The following RGPD2 variants were observed in gnomAD, a reference collection of about 807,000 sequenced individuals.
The protein encoded by RGPD2 is RANBP2 like and GRIP domain containing 2.
Under a neutral mutation model 36.0 loss-of-function variants are expected in RGPD2, and 2 were observed. The ratio of observed to expected loss-of-function variants is 0.06; its 90% CI spans 0.02 to 0.17. The LOEUF (loss-of-function observed/expected upper bound fraction) is 0.17. Ranked by LOEUF, RGPD2 falls within the 10% of genes least tolerant of loss-of-function variation. RGPD2 has a pLI of 1.00. For synonymous variants in RGPD2, 19 were observed against 163.8 expected, an observed-to-expected ratio of 0.12 and a Z score of 6.75; for missense variants, 40 against 464.3, an observed-to-expected ratio of 0.09 and a Z score of 8.40.
chr2:87,979,241 C>CAAAA, the RGPD2 span, among the ~76,000 whole-genome samples: 105,899 of 131,408 alleles, frequency 0.81, 43,802 homozygotes, highest in East Asian at 0.96. Flanking sequence ...CCCCCTCCCC[C>CAAAA]AAAAAAAGAA....
chr2:87,978,765 A>C, the RGPD2 span, among the ~76,000 whole-genome samples: 2 of 122,610 alleles, frequency 1.6e-5, no homozygotes, highest in Non-Finnish European at 3.5e-5. Flanking sequence ...AAAAAAATTT[A>C]AAAATTAGCC....
At chr2:87,886,514 G>A in the RGPD2 span, among the ~76,000 whole-genome samples, 4 of 151,872 alleles carry the variant, frequency 2.6e-5, no homozygotes, top group Admixed American at 6.6e-5. Context: ...AATTTCAGTT[G>A]AATGAATAAA....
At chr2:87,920,891 C>A in the RGPD2 span, among the ~76,000 whole-genome samples, 1 of 106,354 alleles carries the variant, frequency 9.4e-6, no homozygotes, top group East Asian at 2.3e-4. Flanking sequence ...CCTAGAATTT[C>A]CCATTAATAA....
chr2:87,937,121 C>T, the RGPD2 span, among the ~76,000 whole-genome samples: 16 of 151,758 alleles, frequency 1.1e-4, no homozygotes, highest in Middle Eastern at 3.4e-3. Flanking sequence ...TAGAGATGAG[C>T]GGTAAATATT....
At chr2:87,809,315 A>G (rs1299244322) in intron 6 of RGPD2, among the ~76,000 whole-genome samples, 1 of 151,424 alleles carries the variant, frequency 6.6e-6, no homozygotes, top group Non-Finnish European at 1.5e-5. Flanking sequence ...AAAAAAAAAA[A>G]AGATCGAGAC....
chr2:87,956,476 T>C, the RGPD2 span, among the ~76,000 whole-genome samples: 2 of 141,252 alleles, frequency 1.4e-5, no homozygotes, highest in African/African-American at 5.2e-5. Flanking sequence ...TGGTACTAAA[T>C]GTATATAGCA....
the RGPD2 span, among the ~76,000 whole-genome samples, chr2:87,837,438 AT>A: frequency 1.6e-5 from 2 of 122,926 alleles, no homozygotes; most frequent in Non-Finnish European, 3.4e-5. Context: ...ATAAAATTAC[AT>A]TAAAATTAAA....
At chr2:87,894,072 T>C in the RGPD2 span, among the ~76,000 whole-genome samples, 2 of 151,780 alleles carry the variant, frequency 1.3e-5, no homozygotes, top group African/African-American at 4.8e-5. Flanking sequence ...GCGATATTGA[T>C]TTCAGTTTCA....
At chr2:87,966,377 G>A in the RGPD2 span, among the ~76,000 whole-genome samples, 4,294 of 146,872 alleles carry the variant, frequency 0.029, 6 homozygotes, top group African/African-American at 0.099. Context: ...CAGTGAATAC[G>A]TAATCATCTG....
At chr2:87,781,622 C>T (rs1465562189) in intron 20 of RGPD2, among the ~76,000 whole-genome samples, 2 of 151,268 alleles carry the variant, frequency 1.3e-5, no homozygotes, top group African/African-American at 4.9e-5. Context: ...CCACCACGCC[C>T]GGCTCATTTT....
At chr2:87,877,634 T>A in the RGPD2 span, among the ~76,000 whole-genome samples, 1 of 152,204 alleles carries the variant, frequency 6.6e-6, no homozygotes, top group Non-Finnish European at 1.5e-5. Flanking sequence ...AAACCCTGTC[T>A]CTACTAAAAA....
chr2:87,852,451 A>G, the RGPD2 span, among the ~76,000 whole-genome samples: 20 of 151,920 alleles, frequency 1.3e-4, no homozygotes, highest in Non-Finnish European at 2.8e-4. Context: ...CAGCATTCTC[A>G]TTAGAAAGCC....
chr2:87,870,711 ATGCG>A, the RGPD2 span, among the ~76,000 whole-genome samples: 7 of 151,992 alleles, frequency 4.6e-5, no homozygotes, highest in Non-Finnish European at 2.9e-5. Flanking sequence ...TCGAACTTTT[ATGCG>A]TGCCCATATG....
chr2:87,825,522 C>CGGCCAA (rs1686731778), intron 1 of RGPD2, 136 bp downstream of exon 1: 2 of 436,360 alleles, frequency 4.6e-6, no homozygotes, highest in African/African-American at 5.1e-5. Context: ...GGCCGCCGCC[C>CGGCCAA]GGCCGAGGCC....
the RGPD2 span, among the ~76,000 whole-genome samples, chr2:87,841,866 C>T: frequency 7.0e-6 from 1 of 143,672 alleles, no homozygotes. Context: ...CCACCATGAT[C>T]AAGTAGGCTT....
At chr2:87,775,620 TAAC>T (rs1482746316) in intron 20 of RGPD2, among the ~76,000 whole-genome samples, 4 of 139,068 alleles carry the variant, frequency 2.9e-5, no homozygotes, top group Admixed American at 7.7e-5. Flanking sequence ...TCACCACTAT[TAAC>T]TTTGCCTGAA....
At chr2:87,968,815 T>A in the RGPD2 span, 1 of 170,210 alleles carries the variant, frequency 5.9e-6, no homozygotes, top group African/African-American at 2.6e-5. Flanking sequence ...CAAGTGTCTT[T>A]CCTAATTTCA....
At chr2:87,868,780 CTG>C in the RGPD2 span, among the ~76,000 whole-genome samples, 3 of 151,986 alleles carry the variant, frequency 2.0e-5, no homozygotes, top group Non-Finnish European at 4.4e-5. Context: ...GTCCAAGTCT[CTG>C]TGCAAATACC....
At chr2:87,929,501 G>A in the RGPD2 span, among the ~76,000 whole-genome samples, 1 of 150,866 alleles carries the variant, frequency 6.6e-6, no homozygotes, top group Non-Finnish European at 1.5e-5. Context: ...GTGTGTGTGT[G>A]TGTGTGTGTG....
Sources: gnomAD v4.1 joint callset for allele counts (sites outside exome capture counted in the v4.1 genomes callset) on GRCh38, gnomAD v4.1.1 for gene constraint, MANE v1.5 for transcripts, NCBI Gene and HGNC (gene_info 2026-07-23, HGNC 2026-07-21) for gene names.